Variants in B4GALT6 observed in about 807,000 individuals in gnomAD.
B4GALT6 encodes UDP-Gal:beta-GlcNAc beta-1,4-galactosyltransferase 6.
A neutral mutation model predicts 46.3 loss-of-function variants in B4GALT6; 14 were observed. The ratio of observed to expected loss-of-function variants is 0.30; its 90% CI spans 0.20 to 0.47. The LOEUF (loss-of-function observed/expected upper bound fraction) is 0.47. Ranked by LOEUF, B4GALT6 falls within the 20% of genes least tolerant of loss-of-function variation. B4GALT6 has a pLI of 0.99. For missense variants in B4GALT6, 386 were observed against 480.1 expected (o/e 0.80, Z 1.83); for synonymous variants, 168 against 162.0 (o/e 1.04, Z -0.28).
intron 2 of B4GALT6, among the ~76,000 whole-genome samples, chr18:31,664,746 A>T (rs1598914103): frequency 6.6e-6 from 1 of 152,220 alleles, no homozygotes; most frequent in South Asian, 2.1e-4. Context: ...ACATTTTTAC[A>T]ATCAACTTAT....
chr18:31,650,891 C>T lies in B4GALT6; in HGVS notation c.347-5412G>A, dbSNP rs563676239. Among the ~76,000 whole-genome samples the T allele has an allele frequency of 1.1e-4, 17 of 152,286 alleles. 1 individual carries two copies. In the South Asian group the frequency reaches 2.3e-3, roughly 20 times the overall value. ...TCACACCATTCTCCTGCCTCACCCC[C>T]GAGTAGCTGGGACTACAGGCTCCTG... On this transcript the variant is annotated intron_variant, in intron 3 of 8. Transcript: ENST00000306851.
chr18:31,626,932 AC>A (rs2073706768), intron 7 of B4GALT6, 66 bp downstream of exon 7: 1 of 1,386,056 alleles, frequency 7.2e-7, no homozygotes, highest in Non-Finnish European at 1.0e-6. Flanking sequence ...GATAAGTACT[AC>A]AATTTACCTA....
At chr18:31,708,054 G>A in the B4GALT6 span, among the ~76,000 whole-genome samples, 3 of 152,124 alleles carry the variant, frequency 2.0e-5, no homozygotes, top group African/African-American at 7.2e-5. Flanking sequence ...ATGAGTTGAT[G>A]CATTAATTAG....
At chr18:31,664,162 C>CAACAAAATGGCACCCA (rs11272422) in intron 2 of B4GALT6, among the ~76,000 whole-genome samples, 1 of 152,012 alleles carries the variant, frequency 6.6e-6, no homozygotes, top group East Asian at 1.9e-4. Context: ...CAAGTTCAAA[C>CAACAAAATGGCACCCA]AGCAGCCATC....
chr18:31,658,184 A>C, intron 2 of B4GALT6, 95 bp from the exon 3 acceptor site: 1 of 844,644 alleles, frequency 1.2e-6, no homozygotes, highest in Non-Finnish European at 1.9e-6. Flanking sequence ...AGAAAACTAC[A>C]ATATACAATC....
chr18:31,638,453 G>A (rs1269225648), intron 5 of B4GALT6, among the ~76,000 whole-genome samples, 191 bp downstream of exon 5: 1 of 152,142 alleles, frequency 6.6e-6, no homozygotes. Context: ...CGTGAACCTG[G>A]GGGGCGGAGC....
At chr18:31,703,831 T>C in the B4GALT6 span, among the ~76,000 whole-genome samples, 1 of 152,202 alleles carries the variant, frequency 6.6e-6, no homozygotes. Flanking sequence ...GAGAAATATG[T>C]AAAGCTCTGA....
At chr18:31,716,578 G>A in the B4GALT6 span, among the ~76,000 whole-genome samples, 1 of 152,194 alleles carries the variant, frequency 6.6e-6, no homozygotes, top group Non-Finnish European at 1.5e-5. Context: ...AGGAGTGGAA[G>A]TAGAGAGAAA....
intron 5 of B4GALT6, among the ~76,000 whole-genome samples, chr18:31,638,048 T>C (rs2073882978): frequency 6.6e-6 from 1 of 152,188 alleles, no homozygotes; most frequent in Non-Finnish European, 1.5e-5. Context: ...GTAAGGTAAA[T>C]ATAAGCTGTA....
the B4GALT6 span, among the ~76,000 whole-genome samples, chr18:31,721,123 C>T: frequency 1.5e-5 from 2 of 136,878 alleles, no homozygotes; most frequent in East Asian, 4.5e-4. Flanking sequence ...TTGTTACAGG[C>T]GTATGTGCAT....
intron 4 of B4GALT6, among the ~76,000 whole-genome samples, chr18:31,642,703 G>T (rs2073944445): frequency 6.6e-6 from 1 of 152,190 alleles, no homozygotes; most frequent in South Asian, 2.1e-4. Flanking sequence ...ATTACTAGTG[G>T]TTTTTTGTTT....
At chr18:31,630,421 T>C (rs1303659642) in intron 6 of B4GALT6, among the ~76,000 whole-genome samples, 1 of 151,870 alleles carries the variant, frequency 6.6e-6, no homozygotes, top group Non-Finnish European at 1.5e-5. Flanking sequence ...ATTTGGGTTT[T>C]TTTTTTTTAT....
At chr18:31,684,617 C>T, upstream of B4GALT6, 1 of 1,208,338 alleles carries the variant, frequency 8.3e-7, no homozygotes, top group Non-Finnish European at 1.0e-6. Flanking sequence ...AATGGGAGGC[C>T]AGAGAGTCGG....
intron 1 of B4GALT6, among the ~76,000 whole-genome samples, chr18:31,678,517 C>T (rs1364291436): frequency 1.3e-5 from 2 of 152,208 alleles, no homozygotes; most frequent in African/African-American, 2.4e-5. Flanking sequence ...GTTCCTTCAA[C>T]TCGGGCACAG....
chr18:31,716,622 ATAAC>A, the B4GALT6 span, among the ~76,000 whole-genome samples: 2 of 152,190 alleles, frequency 1.3e-5, no homozygotes, highest in South Asian at 4.1e-4. Context: ...CAGAGGGCAG[ATAAC>A]TAACTAGCCT....
the B4GALT6 span, among the ~76,000 whole-genome samples, chr18:31,710,848 A>ACACACACACACACACT: frequency 8.6e-4 from 131 of 151,588 alleles, 1 homozygote; most frequent in African/African-American, 2.9e-3. Flanking sequence ...ACACACACAC[A>ACACACACACACACACT]CTATAATCCT....
At chr18:31,681,197 G>A (rs2074476040) in intron 1 of B4GALT6, among the ~76,000 whole-genome samples, 1 of 152,196 alleles carries the variant, frequency 6.6e-6, no homozygotes, top group Non-Finnish European at 1.5e-5. Context: ...ATGACAGCAA[G>A]AAAATGACTA....
chr18:31,668,165 T>C (rs989017048), intron 1 of B4GALT6, among the ~76,000 whole-genome samples: 7 of 151,032 alleles, frequency 4.6e-5, no homozygotes, highest in African/African-American at 1.5e-4. Flanking sequence ...TGCAACAACA[T>C]GGATGCAGCT....
rs2073712121 is a variant in B4GALT6 at position 31,627,197 on chromosome 18, T to C, written c.777-76A>G. 9 of 1,352,568 alleles carry C rather than the reference T, an allele frequency of 6.7e-6. No homozygotes were observed. The South Asian group carries it at 1.1e-4, about 17-fold the overall frequency. 83.8% of individuals were successfully genotyped at this position (1,352,568 alleles called of 1,614,324 possible). On this transcript the variant is annotated intron_variant, in intron 6 of 8. Coordinates refer to ENST00000306851, the MANE Select transcript of B4GALT6 (RefSeq NM_004775.5). ...ATGTGAAATGAAGGTTTCAGCCTTTTATGTGCTTTGCAAAATATGCCCTTA... is the reference window on the plus strand; with the variant it reads ...ATGTGAAATGAAGGTTTCAGCCTTTCATGTGCTTTGCAAAATATGCCCTTA...
Sources: gnomAD v4.1 joint callset for allele counts (sites outside exome capture counted in the v4.1 genomes callset) on GRCh38, gnomAD v4.1.1 for gene constraint, MANE v1.5 for transcripts, NCBI Gene and HGNC (gene_info 2026-07-23, HGNC 2026-07-21) for gene names.